The following SGCD variants were observed in gnomAD, a reference collection of about 807,000 sequenced individuals.
The protein encoded by SGCD is delta-sarcoglycan.
SGCD carries 18 observed loss-of-function variants against 36.6 expected under a neutral mutation model. That is an observed-to-expected ratio of 0.49 (90% CI 0.34 to 0.73). SGCD has a LOEUF of 0.73. Among genes scored for constraint, SGCD ranks in the 30% least tolerant of loss-of-function variants. The probability of loss-of-function intolerance (pLI) is 0.01; values close to 1 mark genes in which losing one functional copy is unlikely to be tolerated. For synonymous variants in SGCD, 133 were observed against 130.6 expected, an observed-to-expected ratio of 1.02 and a Z score of -0.12; for missense variants, 387 against 346.7, an observed-to-expected ratio of 1.12 and a Z score of -0.92.
chr5:156,753,346 A>G (rs1320803470), intron 7 of SGCD, among the ~76,000 whole-genome samples: 1 of 152,070 alleles, frequency 6.6e-6, no homozygotes, highest in African/African-American at 2.4e-5. Flanking sequence ...AGTAGTGTTC[A>G]TTTCCAAGAG....
chr5:155,926,565 A>G (rs1757000919), intron 1 of SGCD, among the ~76,000 whole-genome samples: 1 of 152,236 alleles, frequency 6.6e-6, no homozygotes, highest in Non-Finnish European at 1.5e-5. Context: ...AAGATATCCT[A>G]TAGTCCAATA....
intron 1 of SGCD, among the ~76,000 whole-genome samples, chr5:156,022,416 T>C (rs1461570482): frequency 6.6e-6 from 1 of 152,226 alleles, no homozygotes; most frequent in Admixed American, 6.5e-5. Context: ...TGCTATGGAA[T>C]TATTATAAAT....
At chr5:156,589,497 A>T (rs1249354672) in intron 5 of SGCD, among the ~76,000 whole-genome samples, 179 bp downstream of exon 5, 2 of 152,230 alleles carry the variant, frequency 1.3e-5, no homozygotes, top group African/African-American at 4.8e-5. Context: ...ATCCGTACAC[A>T]TATTAAACTT....
chr5:155,967,049 G>T (rs13354764), intron 1 of SGCD, among the ~76,000 whole-genome samples: 3,494 of 151,746 alleles, frequency 0.023, 132 homozygotes, highest in African/African-American at 0.075. Flanking sequence ...CTTTATTGTC[G>T]TGCATATTGG....
At chr5:156,596,288 G>C (rs1581227057) in intron 6 of SGCD, among the ~76,000 whole-genome samples, 1 of 152,228 alleles carries the variant, frequency 6.6e-6, no homozygotes, top group East Asian at 1.9e-4. Flanking sequence ...TCAGGCTCTA[G>C]AATTAGCCTG....
chr5:155,782,434 C>A, the SGCD span, among the ~76,000 whole-genome samples: 1 of 151,982 alleles, frequency 6.6e-6, no homozygotes, highest in Non-Finnish European at 1.5e-5. Flanking sequence ...ACAAAAAAAA[C>A]ACTTCTAAAC....
At chr5:156,062,446 C>A (rs1760240043) in intron 1 of SGCD, among the ~76,000 whole-genome samples, 1 of 113,152 alleles carries the variant, frequency 8.8e-6, no homozygotes, top group Non-Finnish European at 1.8e-5. Context: ...GGGTATATAC[C>A]CAGTAATGGG....
At chr5:156,247,877 C>A (rs1765478437) in intron 3 of SGCD, among the ~76,000 whole-genome samples, 1 of 152,150 alleles carries the variant, frequency 6.6e-6, no homozygotes. Flanking sequence ...GGGGACCCAG[C>A]CCCTGCTTCG....
At chr5:156,420,664 A>G (rs1310193883) in intron 3 of SGCD, among the ~76,000 whole-genome samples, 2 of 152,094 alleles carry the variant, frequency 1.3e-5, no homozygotes, top group African/African-American at 4.8e-5. Flanking sequence ...TTTTGCTGAG[A>G]TAAGATATCA....
intron 3 of SGCD, among the ~76,000 whole-genome samples, chr5:156,174,392 G>C (rs1561550171): frequency 6.6e-6 from 1 of 152,144 alleles, no homozygotes; most frequent in Non-Finnish European, 1.5e-5. Flanking sequence ...GAAACAAACA[G>C]TAGGTCATGT....
rs543147488 is a variant in SGCD, at chr5:156,446,627, G to C, written c.193-61974G>C. ...CAACCATTCAAAAACAGCGTCTTTA[G>C]CATAAAGGGACAGATGGCCAAAGTT... On this transcript the variant is annotated intron_variant, in intron 3 of 8. Coordinates refer to ENST00000337851, the MANE Select transcript of SGCD (RefSeq NM_000337.6). Among the ~76,000 whole-genome samples, 110 of 152,232 alleles carry C rather than the reference G, an allele frequency of 7.2e-4. 1 individual carries two copies. Among genetic ancestry groups the C allele is most frequent in the African/African-American group, 2.5e-3 (104 of 41,550 alleles).
At chr5:156,040,109 T>G (rs1251543389) in intron 1 of SGCD, among the ~76,000 whole-genome samples, 1 of 152,198 alleles carries the variant, frequency 6.6e-6, no homozygotes, top group African/African-American at 2.4e-5. Context: ...GGCAAAAGCA[T>G]GAAGTGATAC....
chr5:156,671,843 G>T (rs1252649243), intron 7 of SGCD, among the ~76,000 whole-genome samples: 3 of 152,152 alleles, frequency 2.0e-5, no homozygotes, highest in Admixed American at 6.5e-5. Flanking sequence ...GCCTCAGGAA[G>T]CTTTTACCTG....
chr5:155,906,497 T>C (rs1229728947), intron 1 of SGCD, among the ~76,000 whole-genome samples: 1 of 152,270 alleles, frequency 6.6e-6, no homozygotes, highest in Non-Finnish European at 1.5e-5. Context: ...GAAAAGTTCT[T>C]GGAGAAAATA....
the SGCD span, among the ~76,000 whole-genome samples, chr5:155,814,599 T>C: frequency 6.6e-6 from 1 of 152,150 alleles, no homozygotes; most frequent in Non-Finnish European, 1.5e-5. Context: ...TTAAAAATAT[T>C]TGAATGAATA....
intron 3 of SGCD, among the ~76,000 whole-genome samples, chr5:156,304,332 G>T (rs1301590714): frequency 6.6e-6 from 1 of 152,148 alleles, no homozygotes; most frequent in African/African-American, 2.4e-5. Flanking sequence ...GAATCATGGG[G>T]ACAGGTCTTT....
At chr5:156,668,383 A>G (rs1370449969) in intron 7 of SGCD, among the ~76,000 whole-genome samples, 1 of 152,182 alleles carries the variant, frequency 6.6e-6, no homozygotes, top group South Asian at 2.1e-4. Flanking sequence ...ATTTAACTAC[A>G]TATTTCATTT....
intron 3 of SGCD, among the ~76,000 whole-genome samples, chr5:156,261,953 G>A (rs557095557): frequency 9.2e-5 from 14 of 152,226 alleles, no homozygotes; most frequent in African/African-American, 2.2e-4. Context: ...ACAGCTGTAC[G>A]ATGTATTTGT....
At chr5:156,427,285 A>T (rs1417767261) in intron 3 of SGCD, among the ~76,000 whole-genome samples, 1 of 151,994 alleles carries the variant, frequency 6.6e-6, no homozygotes, top group African/African-American at 2.4e-5. Context: ...ATTCCTAAGT[A>T]TTATATTTTT....
Sources: gnomAD v4.1 joint callset for allele counts (sites outside exome capture counted in the v4.1 genomes callset) on GRCh38, gnomAD v4.1.1 for gene constraint, MANE v1.5 for transcripts, NCBI Gene and HGNC (gene_info 2026-07-23, HGNC 2026-07-21) for gene names.